The following BCO1 variants were observed in gnomAD, a reference collection of about 807,000 sequenced individuals.
BCO1 encodes the protein beta-carotene oxygenase 1, also known as beta,beta-carotene 15,15'-dioxygenase.
In BCO1, 54 loss-of-function variants were observed where a neutral mutation model predicts 56.3. The ratio of observed to expected loss-of-function variants is 0.96; its 90% CI spans 0.77 to 1.20. BCO1 has a LOEUF of 1.20. Ranked by LOEUF, BCO1 falls within the 50% of genes most tolerant of loss-of-function variation. The probability of loss-of-function intolerance (pLI) is 0.00; values close to 1 mark genes in which losing one functional copy is unlikely to be tolerated. For missense variants in BCO1, 801 were observed against 690.9 expected (o/e 1.16, Z -1.79); for synonymous variants, 318 against 266.1 (o/e 1.20, Z -1.90).
intron 2 of BCO1, among the ~76,000 whole-genome samples, chr16:81,255,358 A>C (rs991593968): frequency 6.6e-6 from 1 of 152,144 alleles, no homozygotes; most frequent in Non-Finnish European, 1.5e-5. Context: ...CCTCAATTTT[A>C]TTAGCTGGGA....
chr16:81,254,190 A>G (rs972247086), intron 2 of BCO1, among the ~76,000 whole-genome samples: 7 of 151,740 alleles, frequency 4.6e-5, no homozygotes, highest in Non-Finnish European at 7.4e-5. Flanking sequence ...GTTCAATGGC[A>G]CAGTCTCAGC....
chr16:81,271,453 G>A (rs1042925902), intron 7 of BCO1, among the ~76,000 whole-genome samples: 3 of 152,104 alleles, frequency 2.0e-5, no homozygotes, highest in Non-Finnish European at 4.4e-5. Context: ...CCTTTGGTAT[G>A]TTTTCACAGT....
chr16:81,282,838 G>A (rs1259872737), intron 8 of BCO1, among the ~76,000 whole-genome samples: 3 of 152,118 alleles, frequency 2.0e-5, no homozygotes, highest in Non-Finnish European at 2.9e-5. Context: ...ACATAGGCCG[G>A]GTCCCTTCTG....
chr16:81,260,037 G>T (rs1387061771), intron 3 of BCO1, among the ~76,000 whole-genome samples: 1 of 152,130 alleles, frequency 6.6e-6, no homozygotes, highest in Non-Finnish European at 1.5e-5. Context: ...AAAGCGATTT[G>T]GAATCATCTG....
At chr16:81,244,481 T>C (rs1905279269) in intron 1 of BCO1, among the ~76,000 whole-genome samples, 1 of 151,256 alleles carries the variant, frequency 6.6e-6, no homozygotes, top group Non-Finnish European at 1.5e-5. Context: ...TTCATTCTTA[T>C]AGCACATGTC....
At chr16:81,251,442 C>T (rs1905790987) in intron 2 of BCO1, among the ~76,000 whole-genome samples, 1 of 151,966 alleles carries the variant, frequency 6.6e-6, no homozygotes, top group Admixed American at 6.6e-5. Context: ...CACCTATAGT[C>T]CCAGCATCTT....
intron 7 of BCO1, among the ~76,000 whole-genome samples, chr16:81,272,042 C>CG (rs1907253699): frequency 6.6e-6 from 1 of 151,912 alleles, no homozygotes. Context: ...CCACAGTGCC[C>CG]GGCCAGTACT....
At position 81,285,481 on chromosome 16, in the gene BCO1, G is replaced by C. The variant is rs1312624026; in HGVS notation, c.1208-59G>C. The stretch of plus-strand genomic sequence containing the variant: ...AAAGGCTACCCAATCTGACAGGAAG[G>C]GTGGATGCTCCCAGCCCCCAATGAT... On this transcript the variant is annotated intron_variant, in intron 8 of 10. Transcript: ENST00000258168. 2.4e-6 allele frequency: 3 copies of C among 1,238,842 alleles called. No homozygotes were observed. The African/African-American group carries it at 4.5e-5, about 18-fold the overall frequency. The allele number at this position is 1,238,842 out of a possible 1,614,324, so 76.7% of individuals were successfully genotyped here. A position where few individuals can be genotyped will look rare whatever the true frequency, so the allele number is the denominator to read the frequency against.
chr16:81,239,684 G>T (rs985310353), intron 1 of BCO1, among the ~76,000 whole-genome samples: 6 of 152,204 alleles, frequency 3.9e-5, no homozygotes, highest in African/African-American at 1.4e-4. Context: ...ACTTGCAGGG[G>T]ATTGCAGAGT....
chr16:81,245,627 G>A, intron 2 of BCO1, 24 bp downstream of exon 2: 1 of 1,614,000 alleles, frequency 6.2e-7, no homozygotes, highest in Non-Finnish European at 8.5e-7. Flanking sequence ...CGAGTGTGCT[G>A]CCACTGCTGC....
Position 81,287,313 on chromosome 16 carries a change from C to G in BCO1, c.1321C>G (p.Leu441Val). 6.2e-7 allele frequency: 1 copy of G among 1,613,302 alleles called. No homozygotes were observed. Among genetic ancestry groups the G allele is most frequent in the Middle Eastern group, 1.7e-4 (1 of 6,044 alleles). Residue 441 changes from leucine to valine, a missense_variant, in exon 10 of 11, where the codon CTC (leucine) becomes GTC (valine). By Grantham distance (32) the Leu-to-Val change is conservative (BLOSUM62 1). Coordinates refer to ENST00000258168, the MANE Select transcript of BCO1 (RefSeq NM_017429.3). ...IPTKIIKYDI[L>V]TKSSLKWRED... ...TGTACAGATAATAAAATATGACATT[C>G]TCACAAAGTCATCCTTAAAATGGAG...
chr16:81,259,685 A>C lies in BCO1; in HGVS notation c.203A>C (p.Tyr68Ser). 6.2e-7 allele frequency: 1 copy of C among 1,614,182 alleles called. No homozygotes were observed. The highest frequency in any genetic ancestry group is 1.1e-5 in the South Asian group (1 of 91,086). ...GGTTCTTCTCTTGCAGGTGAAGTCT[A>C]TTACAGGAGCAAATACCTGAGAAGC... ...HSFTIRDGEV[Y>S]YRSKYLRSDT... Residue 68 changes from tyrosine to serine, a missense_variant, in exon 3 of 11, where the codon TAT becomes TCT. Tyr to Ser is a moderately radical substitution (Grantham distance 144). Coordinates refer to ENST00000258168, the MANE Select transcript of BCO1 (RefSeq NM_017429.3).
intron 2 of BCO1, among the ~76,000 whole-genome samples, chr16:81,257,519 C>T (rs1489590817): frequency 6.6e-6 from 1 of 151,588 alleles, no homozygotes; most frequent in Admixed American, 6.6e-5. Flanking sequence ...CCCACTTTGG[C>T]CTCCCAAAGT....
chr16:81,269,283 C>T (rs958933705), intron 6 of BCO1, among the ~76,000 whole-genome samples: 2 of 149,748 alleles, frequency 1.3e-5, no homozygotes, highest in Admixed American at 1.3e-4. Flanking sequence ...TCTGCCTTCA[C>T]GTGCACTTTT....
At chr16:81,251,449 T>C (rs1905791863) in intron 2 of BCO1, among the ~76,000 whole-genome samples, 3 of 151,688 alleles carry the variant, frequency 2.0e-5, no homozygotes, top group Admixed American at 2.0e-4. Flanking sequence ...AGTCCCAGCA[T>C]CTTAGGAGAC....
At position 81,270,260 on chromosome 16, in the gene BCO1, G is replaced by A; in HGVS notation, c.945G>A (p.Glu315=). The A allele has an allele frequency of 6.2e-7, 1 of 1,614,164 alleles. No individual in the cohort carries two copies. The highest frequency in any genetic ancestry group is 1.1e-5 in the South Asian group (1 of 91,078). Residue 315 remains glutamate (E), a synonymous_variant, in exon 7 of 11, where the codon GAG becomes GAA. Coordinates refer to ENST00000258168, the MANE Select transcript of BCO1 (RefSeq NM_017429.3). ...TCCATCACGTCAACGCCTACGAAGA[G>A]GACGGCTGCATCGTGTTTGACGTCA... ...VVFHHVNAYE[E]DGCIVFDVIA... is the part of the protein sequence containing the mutation.
intron 7 of BCO1, among the ~76,000 whole-genome samples, chr16:81,272,116 T>TC (rs1399430540): frequency 6.9e-6 from 1 of 144,058 alleles, no homozygotes; most frequent in Non-Finnish European, 1.5e-5. Flanking sequence ...TTTCTTTCTT[T>TC]TTTTTTTTTT....
intron 2 of BCO1, among the ~76,000 whole-genome samples, chr16:81,256,284 T>C (rs773924702): frequency 6.6e-5 from 10 of 152,116 alleles, no homozygotes; most frequent in Non-Finnish European, 1.3e-4. Context: ...TCCTAAGATA[T>C]CAAAAGGCAC....
At chr16:81,287,598 A>G (rs908306507) in intron 10 of BCO1, among the ~76,000 whole-genome samples, 192 bp downstream of exon 10, 2 of 152,160 alleles carry the variant, frequency 1.3e-5, no homozygotes. Context: ...TCTGATACCA[A>G]TTGCAAAGTT....
Sources: allele counts gnomAD v4.1 joint callset (sites outside exome capture counted in the v4.1 genomes callset), GRCh38; gene constraint gnomAD v4.1.1; transcripts MANE v1.5; gene names NCBI Gene and HGNC (gene_info 2026-07-23, HGNC 2026-07-21).